AUTS2: variants seen among roughly 807,000 people sequenced by gnomAD.
AUTS2 encodes autism susceptibility gene 2 protein.
In AUTS2, 17 loss-of-function variants were observed where a neutral mutation model predicts 112.4. That is an observed-to-expected ratio of 0.15 (90% CI 0.10 to 0.23). The LOEUF is 0.23. Among genes scored for constraint, AUTS2 ranks in the 10% least tolerant of loss-of-function variants. The pLI, the probability that AUTS2 is intolerant of heterozygous loss-of-function variation, is 1.00. For missense variants in AUTS2, 1,510 were observed against 1,701.6 expected, an observed-to-expected ratio of 0.89 and a Z score of 1.98; for synonymous variants, 751 against 702.7, an observed-to-expected ratio of 1.07 and a Z score of -1.09.
intron 4 of AUTS2, among the ~76,000 whole-genome samples, chr7:70,362,754 C>T (rs1484740521): frequency 2.0e-5 from 3 of 152,006 alleles, no homozygotes; most frequent in Non-Finnish European, 4.4e-5. Flanking sequence ...TCTAACATTC[C>T]AAATGCTTCA....
chr7:70,365,138 T>C (rs1180009874), intron 4 of AUTS2, among the ~76,000 whole-genome samples: 1 of 152,196 alleles, frequency 6.6e-6, no homozygotes, highest in Non-Finnish European at 1.5e-5. Flanking sequence ...AGAAAAGATA[T>C]TTGGTAAAGG....
chr7:70,517,573 C>A (rs1009263349), intron 5 of AUTS2, among the ~76,000 whole-genome samples: 4 of 97,464 alleles, frequency 4.1e-5, no homozygotes, highest in Non-Finnish European at 9.1e-5. Flanking sequence ...CACATATATA[C>A]AAATTGCATA....
At chr7:69,728,619 C>G (rs1942566425) in intron 1 of AUTS2, among the ~76,000 whole-genome samples, 1 of 149,786 alleles carries the variant, frequency 6.7e-6, no homozygotes, top group Non-Finnish European at 1.5e-5. Context: ...AAGTTACGCT[C>G]AAGTAATATG....
intron 5 of AUTS2, among the ~76,000 whole-genome samples, chr7:70,647,844 C>T (rs1806256248): frequency 1.3e-5 from 2 of 152,232 alleles, no homozygotes; most frequent in African/African-American, 4.8e-5. Flanking sequence ...CTTTGGAACT[C>T]AGACCATCCA....
chr7:69,878,627 A>G (rs1235923235), intron 1 of AUTS2, among the ~76,000 whole-genome samples: 1 of 152,198 alleles, frequency 6.6e-6, no homozygotes, highest in Admixed American at 6.5e-5. Context: ...AAGAAGCCAC[A>G]TGACTCGGAG....
chr7:70,709,058 C>T (rs28664154), intron 6 of AUTS2, among the ~76,000 whole-genome samples: 39,807 of 151,344 alleles, frequency 0.26, 5,880 homozygotes, highest in East Asian at 0.65. Context: ...GCTGGGATTA[C>T]AGGTGCCCGC....
chr7:69,891,268 A>G (rs965276327), intron 1 of AUTS2, among the ~76,000 whole-genome samples: 1 of 152,208 alleles, frequency 6.6e-6, no homozygotes, highest in Non-Finnish European at 1.5e-5. Flanking sequence ...TTCACTTGGC[A>G]TACTTATTTT....
chr7:70,177,609 A>G (rs1254774537), intron 4 of AUTS2, among the ~76,000 whole-genome samples: 1 of 152,180 alleles, frequency 6.6e-6, no homozygotes. Context: ...CCAATATTTT[A>G]CAGCTAGTGA....
intron 2 of AUTS2, among the ~76,000 whole-genome samples, chr7:70,106,847 T>C (rs1804790459): frequency 6.6e-6 from 1 of 152,186 alleles, no homozygotes; most frequent in Admixed American, 6.5e-5. Context: ...CTTTCTGTCA[T>C]TGCAGGATAT....
chr7:69,743,728 A>G (rs1394378955), intron 1 of AUTS2, among the ~76,000 whole-genome samples: 3 of 152,150 alleles, frequency 2.0e-5, no homozygotes, highest in Admixed American at 6.6e-5. Context: ...ATGGAATTAC[A>G]TTTTACACAC....
At chr7:70,390,592 T>C (rs1173839431) in intron 4 of AUTS2, among the ~76,000 whole-genome samples, 2 of 151,978 alleles carry the variant, frequency 1.3e-5, no homozygotes, top group African/African-American at 4.8e-5. Flanking sequence ...TGAAATGTTA[T>C]AATTACAGGC....
intron 5 of AUTS2, among the ~76,000 whole-genome samples, chr7:70,552,969 T>G (rs1342846006): frequency 2.0e-5 from 3 of 152,188 alleles, no homozygotes; most frequent in African/African-American, 7.2e-5. Flanking sequence ...TAGAAAGAAA[T>G]ATGTCCAGCC....
chr7:70,603,433 C>T (rs1803576599), intron 5 of AUTS2, among the ~76,000 whole-genome samples: 1 of 152,168 alleles, frequency 6.6e-6, no homozygotes, highest in Non-Finnish European at 1.5e-5. Context: ...GATTAACACA[C>T]CAAGGAAAGT....
At chr7:70,088,202 C>T (rs1803711730) in intron 2 of AUTS2, among the ~76,000 whole-genome samples, 1 of 152,058 alleles carries the variant, frequency 6.6e-6, no homozygotes, top group South Asian at 2.1e-4. Context: ...CAGATCACTG[C>T]AAGTTCCACC....
intron 1 of AUTS2, among the ~76,000 whole-genome samples, chr7:69,638,457 GT>G (rs1438516402): frequency 2.0e-5 from 3 of 152,210 alleles, no homozygotes; most frequent in Admixed American, 6.5e-5. Context: ...AGAATTGTAT[GT>G]TTTTCCCTTG....
intron 4 of AUTS2, among the ~76,000 whole-genome samples, chr7:70,426,973 G>A (rs1028826775): frequency 1.0e-4 from 15 of 150,002 alleles, no homozygotes; most frequent in African/African-American, 3.6e-4. Context: ...CCCAGCATCA[G>A]TTGAAGCAAA....
At chr7:69,869,958 T>C (rs1322813196) in intron 1 of AUTS2, among the ~76,000 whole-genome samples, 1 of 152,178 alleles carries the variant, frequency 6.6e-6, no homozygotes, top group Non-Finnish European at 1.5e-5. Flanking sequence ...GTGCCTTATC[T>C]GATTAAAAAT....
At chr7:70,412,717 G>A (rs1461512125) in intron 4 of AUTS2, among the ~76,000 whole-genome samples, 1 of 152,198 alleles carries the variant, frequency 6.6e-6, no homozygotes, top group African/African-American at 2.4e-5. Flanking sequence ...ATTTGGCTGG[G>A]CGCAGTGGAT....
chr7:70,298,064 C>G (rs1418295754), intron 4 of AUTS2, among the ~76,000 whole-genome samples: 1 of 151,814 alleles, frequency 6.6e-6, no homozygotes, highest in African/African-American at 2.4e-5. Flanking sequence ...CGGAATCTCA[C>G]TTTTTTGCTG....
Sources: allele counts gnomAD v4.1 joint callset (sites outside exome capture counted in the v4.1 genomes callset), GRCh38; gene constraint gnomAD v4.1.1; transcripts MANE v1.5; gene names NCBI Gene and HGNC (gene_info 2026-07-23, HGNC 2026-07-21).